The following FBXL7 variants were observed in gnomAD, a reference collection of about 807,000 sequenced individuals.
FBXL7 encodes the protein F-box and leucine rich repeat protein 7.
Under a neutral mutation model 38.3 loss-of-function variants are expected in FBXL7, and 12 were observed. That is an observed-to-expected ratio of 0.31 (90% CI 0.20 to 0.51). The LOEUF (loss-of-function observed/expected upper bound fraction) is 0.51. Among genes scored for constraint, FBXL7 ranks in the 20% least tolerant of loss-of-function variants. The pLI, the probability that FBXL7 is intolerant of heterozygous loss-of-function variation, is 0.98. For synonymous variants in FBXL7, 297 were observed against 300.9 expected, an observed-to-expected ratio of 0.99 and a Z score of 0.13; for missense variants, 567 against 676.4, an observed-to-expected ratio of 0.84 and a Z score of 1.79.
chr5:15,782,655 G>A (rs1343507755), intron 2 of FBXL7, among the ~76,000 whole-genome samples: 1 of 152,266 alleles, frequency 6.6e-6, no homozygotes, highest in East Asian at 1.9e-4. Context: ...GTGACAGGAA[G>A]GAAGAGTGTA....
intron 2 of FBXL7, among the ~76,000 whole-genome samples, chr5:15,761,569 G>T (rs1393835725): frequency 1.3e-5 from 2 of 152,000 alleles, no homozygotes; most frequent in African/African-American, 2.4e-5. Context: ...TTGAAACAGG[G>T]TCTCACTCCG....
chr5:15,818,500 T>G (rs904299544), intron 2 of FBXL7, among the ~76,000 whole-genome samples: 4 of 152,144 alleles, frequency 2.6e-5, no homozygotes, highest in African/African-American at 9.7e-5. Context: ...AAAAGGTAAC[T>G]TTTACAAAAT....
At chr5:15,645,001 T>A (rs1353327973) in intron 2 of FBXL7, among the ~76,000 whole-genome samples, 1 of 152,186 alleles carries the variant, frequency 6.6e-6, no homozygotes, top group African/African-American at 2.4e-5. Flanking sequence ...CTGACCCTGA[T>A]ATTTAGCAAT....
At chr5:15,519,319 G>A (rs900937258) in intron 1 of FBXL7, among the ~76,000 whole-genome samples, 54 of 152,070 alleles carry the variant, frequency 3.6e-4, no homozygotes, top group African/African-American at 1.2e-3. Context: ...CTCCAGCCTG[G>A]GTGACAGAGC....
chr5:15,566,418 C>T (rs1433829908), intron 1 of FBXL7, among the ~76,000 whole-genome samples: 1 of 152,132 alleles, frequency 6.6e-6, no homozygotes, highest in Admixed American at 6.6e-5. Context: ...GAATACCAAA[C>T]AATAGTTGAT....
At chr5:15,666,311 T>C (rs1288184479) in intron 2 of FBXL7, among the ~76,000 whole-genome samples, 1 of 152,216 alleles carries the variant, frequency 6.6e-6, no homozygotes, top group Admixed American at 6.5e-5. Flanking sequence ...GTCTTAATTA[T>C]GTTTAAGTGT....
intron 2 of FBXL7, among the ~76,000 whole-genome samples, chr5:15,926,270 A>G (rs1297864779): frequency 1.3e-5 from 2 of 150,180 alleles, no homozygotes; most frequent in African/African-American, 2.4e-5. Context: ...TTATTACCAT[A>G]TATATCCAAC....
chr5:15,788,584 C>A (rs367771712), intron 2 of FBXL7, among the ~76,000 whole-genome samples: 26 of 152,292 alleles, frequency 1.7e-4, no homozygotes, highest in African/African-American at 5.3e-4. Flanking sequence ...TGAACCTTAA[C>A]CTTCTTCCAG....
chr5:15,619,903 C>T (rs1018116737), intron 2 of FBXL7, among the ~76,000 whole-genome samples: 4 of 152,154 alleles, frequency 2.6e-5, no homozygotes, highest in Non-Finnish European at 4.4e-5. Flanking sequence ...TAGCTAACCA[C>T]ACAGGTGTTG....
chr5:15,913,124 T>C (rs1265602102), intron 2 of FBXL7, among the ~76,000 whole-genome samples: 1 of 152,176 alleles, frequency 6.6e-6, no homozygotes, highest in East Asian at 1.9e-4. Flanking sequence ...AATGTGGAAT[T>C]TATGAGTTTA....
intron 2 of FBXL7, among the ~76,000 whole-genome samples, chr5:15,666,255 T>C (rs1322002623): frequency 1.3e-5 from 2 of 152,190 alleles, no homozygotes; most frequent in Non-Finnish European, 2.9e-5. Flanking sequence ...TTTAAATGTT[T>C]ATTATATTTT....
At chr5:15,749,606 G>T (rs377119901) in intron 2 of FBXL7, among the ~76,000 whole-genome samples, 12 of 152,064 alleles carry the variant, frequency 7.9e-5, no homozygotes, top group African/African-American at 2.4e-4. Context: ...CAGCCTGGGG[G>T]ACAGAGCGAG....
Position 15,824,295 on chromosome 5 carries a change from C to CAA in FBXL7, c.128-103580_128-103579dup, listed in dbSNP as rs57955989. Among the ~76,000 whole-genome samples the CAA allele has an allele frequency of 3.6e-3, 443 of 122,830 alleles. 5 individuals carry two copies. Among genetic ancestry groups the CAA allele is most frequent in the Middle Eastern group, 0.026 (6 of 230 alleles). 80.6% of individuals were successfully genotyped at this position (122,830 alleles called of 152,430 possible). The stretch of plus-strand genomic sequence containing the variant: ...TGGGCAACAGAGCAAGACTCCGTCT[C>CAA]AAAAAAAAAAAAAAAAGAGAAAAAC... On this transcript the variant is annotated intron_variant, in intron 2 of 3. Transcript: ENST00000504595.
At chr5:15,690,064 C>A (rs6892414) in intron 2 of FBXL7, among the ~76,000 whole-genome samples, 1 of 152,192 alleles carries the variant, frequency 6.6e-6, no homozygotes, top group African/African-American at 2.4e-5. Context: ...TGTTGAGAAC[C>A]ACTGGTGTAA....
At chr5:15,801,831 T>TC (rs1737577377) in intron 2 of FBXL7, among the ~76,000 whole-genome samples, 1 of 146,628 alleles carries the variant, frequency 6.8e-6, no homozygotes, top group Non-Finnish European at 1.5e-5. Context: ...ATTCCATATT[T>TC]CGGGGGGGGC....
chr5:15,674,231 A>T (rs1363828274), intron 2 of FBXL7, among the ~76,000 whole-genome samples: 5 of 152,350 alleles, frequency 3.3e-5, no homozygotes, highest in Non-Finnish European at 5.9e-5. Flanking sequence ...CACATATATG[A>T]TGTTAATGTT....
At chr5:15,738,889 G>T (rs1048147761) in intron 2 of FBXL7, among the ~76,000 whole-genome samples, 4 of 152,214 alleles carry the variant, frequency 2.6e-5, no homozygotes, top group Non-Finnish European at 2.9e-5. Flanking sequence ...TGTGAGTGGT[G>T]CCTGGGCACC....
At chr5:15,934,601 G>C (rs575904923) in intron 3 of FBXL7, among the ~76,000 whole-genome samples, 1 of 152,072 alleles carries the variant, frequency 6.6e-6, no homozygotes, top group East Asian at 1.9e-4. Context: ...CTAACAATCA[G>C]GTAAGAAAAT....
At chr5:15,585,046 GATTTATA>G (rs1277604708) in intron 1 of FBXL7, among the ~76,000 whole-genome samples, 9 of 152,124 alleles carry the variant, frequency 5.9e-5, no homozygotes, top group African/African-American at 1.7e-4. Context: ...AATAATTTAT[GATTTATA>G]ATTTATAATT....
Sources: allele counts gnomAD v4.1 joint callset (sites outside exome capture counted in the v4.1 genomes callset), GRCh38; gene constraint gnomAD v4.1.1; transcripts MANE v1.5; gene names NCBI Gene and HGNC (gene_info 2026-07-23, HGNC 2026-07-21).